The following SELENOT variants were observed in gnomAD, a reference collection of about 807,000 sequenced individuals.
SELENOT encodes selenoprotein T.
A neutral mutation model predicts 24.3 loss-of-function variants in SELENOT; 9 were observed. That is an observed-to-expected ratio of 0.37 (90% confidence interval 0.22 to 0.65). SELENOT has a LOEUF of 0.65. SELENOT is among the 30% of genes least tolerant of loss of function. SELENOT has a pLI of 0.60. For missense variants in SELENOT, 166 were observed against 247.6 expected (o/e 0.67, Z 2.21); for synonymous variants, 81 against 86.0 (o/e 0.94, Z 0.32).
At chr3:150,619,375 C>CA (rs879274575) in intron 1 of SELENOT, among the ~76,000 whole-genome samples, 294 of 140,814 alleles carry the variant, frequency 2.1e-3, no homozygotes, top group African/African-American at 5.3e-3. Flanking sequence ...ACTAAAAATA[C>CA]AAAAAAAAAA....
chr3:150,615,327 C>T (rs1210318215), intron 1 of SELENOT, among the ~76,000 whole-genome samples: 3 of 151,420 alleles, frequency 2.0e-5, no homozygotes, highest in Non-Finnish European at 2.9e-5. Context: ...AATAAACATA[C>T]GTGTGCATGT....
intron 1 of SELENOT, among the ~76,000 whole-genome samples, chr3:150,620,901 CA>C (rs1482977953): frequency 9.9e-5 from 15 of 152,224 alleles, no homozygotes; most frequent in East Asian, 5.8e-4. Context: ...AAGATTAATA[CA>C]TTTTTTTGCA....
chr3:150,612,659 A>G lies in SELENOT; in HGVS notation c.137+9160A>G, dbSNP rs113038609. ...CTAGCTAGCTAGTTTGTTCAAGGAC[A>G]TAAGTATCTGATAAATCTTAATGTT... is the stretch of plus-strand genomic sequence containing the variant. On this transcript the variant is annotated intron_variant, in intron 1 of 5. Coordinates refer to ENST00000471696, the MANE Select transcript of SELENOT (RefSeq NM_016275.5). 6.4e-3 allele frequency among the ~76,000 whole-genome samples: 969 copies of G among 152,344 alleles called. 8 individuals are homozygous for G. The highest frequency in any genetic ancestry group is 0.023 in the African/African-American group (945 of 41,572).
chr3:150,617,700 A>C (rs560415769), intron 1 of SELENOT, among the ~76,000 whole-genome samples: 3 of 152,136 alleles, frequency 2.0e-5, no homozygotes, highest in Non-Finnish European at 4.4e-5. Context: ...CTGTAAGAGA[A>C]ATCACCTGGT....
At chr3:150,624,145 A>G (rs974293083) in intron 3 of SELENOT, among the ~76,000 whole-genome samples, 10 of 152,124 alleles carry the variant, frequency 6.6e-5, no homozygotes, top group African/African-American at 2.4e-4. Context: ...ACATTCCCAA[A>G]TGGTAGAGTA....
intron 1 of SELENOT, among the ~76,000 whole-genome samples, chr3:150,606,150 C>CTT (rs34860334): frequency 8.6e-5 from 11 of 128,092 alleles, no homozygotes; most frequent in South Asian, 5.2e-4. Context: ...TTCTTTCTTC[C>CTT]TTTTTTTTTT....
intron 1 of SELENOT, among the ~76,000 whole-genome samples, chr3:150,616,720 G>C (rs1726225611): frequency 6.6e-6 from 1 of 152,222 alleles, no homozygotes; most frequent in South Asian, 2.1e-4. Context: ...TAAATAAAGT[G>C]GGCCTGTGTC....
At chr3:150,610,719 CTAAAAAATGTTTTACTAACATT>C (rs965376405) in intron 1 of SELENOT, among the ~76,000 whole-genome samples, 1 of 152,174 alleles carries the variant, frequency 6.6e-6, no homozygotes, top group African/African-American at 2.4e-5. Context: ...GGAAAAGAGA[CTAAAAAATGTTTTACTAACATT>C]TAAAGTATCC....
At chr3:150,626,187 TTTTTAATGCAAA>T (rs1726441706) in intron 4 of SELENOT, among the ~76,000 whole-genome samples, 1 of 152,178 alleles carries the variant, frequency 6.6e-6, no homozygotes, top group Admixed American at 6.5e-5. Context: ...AACAATAACT[TTTTTAATGCAAA>T]TTTTATCTTG....
chr3:150,606,078 G>A (rs941796445), intron 1 of SELENOT, among the ~76,000 whole-genome samples: 16 of 151,090 alleles, frequency 1.1e-4, no homozygotes, highest in African/African-American at 3.9e-4. Context: ...ACATAGTGCT[G>A]AGAGATCAAG....
At chr3:150,614,856 TTTA>T (rs1331340550) in intron 1 of SELENOT, among the ~76,000 whole-genome samples, 30 of 151,646 alleles carry the variant, frequency 2.0e-4, no homozygotes, top group African/African-American at 3.1e-4. Context: ...TATTTATTTA[TTTA>T]TTATTATTTT....
At chr3:150,625,648 A>T (rs1163905109) in intron 4 of SELENOT, among the ~76,000 whole-genome samples, 1 of 152,174 alleles carries the variant, frequency 6.6e-6, no homozygotes, top group Non-Finnish European at 1.5e-5. Context: ...TAAAAAAAAA[A>T]CTAATGTTTT....
chr3:150,627,235 T>A, intron 5 of SELENOT, 72 bp downstream of exon 5: 1 of 1,121,426 alleles, frequency 8.9e-7, no homozygotes, highest in Non-Finnish European at 1.3e-6. Context: ...TAGTAAATAT[T>A]ACATATATTA....
intron 1 of SELENOT, among the ~76,000 whole-genome samples, chr3:150,621,300 T>C (rs1372306463): frequency 6.6e-6 from 1 of 152,104 alleles, no homozygotes; most frequent in African/African-American, 2.4e-5. Flanking sequence ...TTTTCTTAAA[T>C]TGAGATCTAC....
chr3:150,620,316 G>A (rs984116998), intron 1 of SELENOT, among the ~76,000 whole-genome samples: 2 of 152,170 alleles, frequency 1.3e-5, no homozygotes, highest in African/African-American at 4.8e-5. Flanking sequence ...ATAGGTACCC[G>A]ATGGTGGCAT....
intron 1 of SELENOT, among the ~76,000 whole-genome samples, chr3:150,610,308 G>C (rs534917893): frequency 4.9e-4 from 75 of 152,206 alleles, no homozygotes; most frequent in Non-Finnish European, 8.5e-4. Context: ...TTGATAAGTA[G>C]TTGTGTCATT....
At position 150,623,099 on chromosome 3, in the gene SELENOT, T is replaced by C. The variant is rs1726376073; in HGVS notation, c.305T>C (p.Val102Ala). ...FKLVLIGLII[V>A]GKDPFAFFGM... The stretch of plus-strand genomic sequence containing the variant: ...CTAGTATTAATAGGCTTAATAATTG[T>C]TGGCAAGGATCCTTTTGCTTTCTTT... Residue 102 changes from valine (V) to alanine (A), a missense_variant, in exon 3 of 6, where the codon GTT becomes GCT. By Grantham distance (64) the Val-to-Ala change is moderately conservative. Coordinates refer to ENST00000471696, the MANE Select transcript of SELENOT (RefSeq NM_016275.5). The C allele has an allele frequency of 6.2e-7, 1 of 1,606,138 alleles. No individual in the cohort carries two copies. Among genetic ancestry groups the C allele is most frequent in the African/African-American group, 1.3e-5 (1 of 74,656 alleles).
In SELENOT at chr3:150,623,059, C is replaced by T. The variant is rs1726374762; in HGVS notation, c.265C>T (p.Leu89=). 1 of 1,566,530 alleles carries T rather than the reference C, an allele frequency of 6.4e-7. No individual in the cohort carries two copies. Among genetic ancestry groups the T allele is most frequent in the Non-Finnish European group, 8.6e-7 (1 of 1,158,918 alleles). ...QPIYRHIASF[L]SVFKLVLIGL... ...TTTTGATAGACACATAGCATCTTTCCTGTCAGTCTTCAAACTAGTATTAAT... is the reference window on the plus strand; with the variant it reads ...TTTTGATAGACACATAGCATCTTTCTTGTCAGTCTTCAAACTAGTATTAAT... Residue 89 remains leucine (L), a synonymous_variant, in exon 3 of 6, where the codon CTG becomes TTG. Transcript: ENST00000471696.
intron 1 of SELENOT, among the ~76,000 whole-genome samples, chr3:150,621,276 CCA>C (rs1559898069): frequency 2.6e-5 from 4 of 152,054 alleles, no homozygotes; most frequent in African/African-American, 4.8e-5. Flanking sequence ...CACACCCCCC[CCA>C]AAAAACACAG....
Sources: gnomAD v4.1 joint callset for allele counts (sites outside exome capture counted in the v4.1 genomes callset) on GRCh38, gnomAD v4.1.1 for gene constraint, MANE v1.5 for transcripts, NCBI Gene and HGNC (gene_info 2026-07-23, HGNC 2026-07-21) for gene names.